ERBB4: variants seen among roughly 807,000 people sequenced by gnomAD.
ERBB4 encodes receptor tyrosine-protein kinase erbB-4.
In ERBB4, 42 loss-of-function variants were observed where a neutral mutation model predicts 158.0. The observed-to-expected ratio is 0.27, with a 90% CI of 0.21 to 0.34. The LOEUF is 0.34. Ranked by LOEUF, ERBB4 falls within the 10% of genes least tolerant of loss-of-function variation. The pLI, the probability that ERBB4 is intolerant of heterozygous loss-of-function variation, is 1.00. For synonymous variants in ERBB4, 583 were observed against 558.7 expected (o/e 1.04, Z -0.61); for missense variants, 1,333 against 1,624.1 (o/e 0.82, Z 3.08).
At chr2:211,689,658 A>G (rs1171853308) in intron 12 of ERBB4, among the ~76,000 whole-genome samples, 1 of 152,236 alleles carries the variant, frequency 6.6e-6, no homozygotes, top group African/African-American at 2.4e-5. Context: ...AGACAAAGTT[A>G]TAAAAGTAGC....
intron 20 of ERBB4, among the ~76,000 whole-genome samples, chr2:211,492,261 G>A (rs936267181): frequency 1.3e-5 from 2 of 152,060 alleles, no homozygotes; most frequent in Admixed American, 1.3e-4. Context: ...AATTAATTCA[G>A]TTATTCTGAT....
At chr2:211,658,247 G>A (rs957094375) in intron 15 of ERBB4, among the ~76,000 whole-genome samples, 1 of 152,176 alleles carries the variant, frequency 6.6e-6, no homozygotes, top group African/African-American at 2.4e-5. Flanking sequence ...ACTTCCAAAC[G>A]CACAGCTCAC....
In ERBB4 at chr2:212,094,338, C is replaced by A. The variant is rs1575622050; in HGVS notation, c.234+30414G>T. On this transcript the variant is annotated intron_variant, in intron 2 of 27. Transcript: ENST00000342788. ...ACAAAAAGAATACAAAGGTACAAAGCTCCTTTAAATATGAATAGTTTTCCA... is the reference window on the plus strand; with the variant it reads ...ACAAAAAGAATACAAAGGTACAAAGATCCTTTAAATATGAATAGTTTTCCA... 1.3e-5 allele frequency among the ~76,000 whole-genome samples: 2 copies of A among 149,170 alleles called. 1 individual carries two copies. Among genetic ancestry groups the A allele is most frequent in the East Asian group, 3.9e-4 (2 of 5,122 alleles).
chr2:212,484,768 C>G (rs2106174584), intron 1 of ERBB4, among the ~76,000 whole-genome samples: 1 of 152,194 alleles, frequency 6.6e-6, no homozygotes, highest in East Asian at 1.9e-4. Flanking sequence ...CCACACGCCT[C>G]AAGTATTCTG....
At chr2:211,384,718 C>A (rs762684138) in intron 27 of ERBB4, among the ~76,000 whole-genome samples, 4 of 152,122 alleles carry the variant, frequency 2.6e-5, no homozygotes, top group Admixed American at 6.6e-5. Flanking sequence ...TATACTTCTA[C>A]TTAATAGTAA....
At chr2:211,876,404 T>C (rs2078502012) in intron 3 of ERBB4, among the ~76,000 whole-genome samples, 1 of 152,160 alleles carries the variant, frequency 6.6e-6, no homozygotes, top group South Asian at 2.1e-4. Flanking sequence ...TTCACCATTA[T>C]GCGATGTGTA....
rs951680179 is a variant in ERBB4, at chr2:212,437,167, T to C, written c.82+101282A>G. ...TGCATTGTGCCCATCCTTGGTGGTC[T>C]TTTTTCTGCATTCCCCCCATTAAGT... On this transcript the variant is annotated intron_variant, in intron 1 of 27. Transcript: ENST00000342788. Among the ~76,000 whole-genome samples the C allele has an allele frequency of 7.9e-5, 12 of 152,092 alleles. No homozygotes were observed. In the East Asian group the frequency reaches 1.9e-3, roughly 24 times the overall value.
At chr2:212,339,572 T>A (rs2088605976) in intron 1 of ERBB4, among the ~76,000 whole-genome samples, 1 of 152,188 alleles carries the variant, frequency 6.6e-6, no homozygotes, top group Non-Finnish European at 1.5e-5. Flanking sequence ...CCACTTCATT[T>A]GCAAAATAAT....
At chr2:212,526,540 T>C (rs146800528) in intron 1 of ERBB4, among the ~76,000 whole-genome samples, 2 of 152,144 alleles carry the variant, frequency 1.3e-5, no homozygotes, top group African/African-American at 4.8e-5. Flanking sequence ...CCAGGGACAA[T>C]GGGCTGCTAA....
intron 1 of ERBB4, among the ~76,000 whole-genome samples, chr2:212,431,334 T>C (rs11677213): frequency 0.16 from 19,841 of 126,722 alleles, 1,851 homozygotes; most frequent in Non-Finnish European, 0.24. Flanking sequence ...AAAAAAACCT[T>C]CGTAACTATT....
chr2:211,840,671 C>T lies in ERBB4; in HGVS notation c.422-52512G>A, dbSNP rs563448445. On this transcript the variant is annotated intron_variant, in intron 3 of 27. Coordinates refer to ENST00000342788, the MANE Select transcript of ERBB4 (RefSeq NM_005235.3). ...CCTAATAGTGCAAGTTCTTCATGGA[C>T]ATTATGCAGTAGACACTGTGATGAT... Among the ~76,000 whole-genome samples, 182 of 152,172 alleles carry T rather than the reference C, an allele frequency of 1.2e-3. 2 individuals carry two copies. Among genetic ancestry groups the T allele is most frequent in the African/African-American group, 4.1e-3 (170 of 41,524 alleles).
chr2:211,897,343 G>A (rs1488142690), intron 3 of ERBB4, among the ~76,000 whole-genome samples: 2 of 151,550 alleles, frequency 1.3e-5, no homozygotes, highest in Non-Finnish European at 2.9e-5. Context: ...TTAGCTGGGT[G>A]GAAATACCAA....
At chr2:211,929,063 A>C (rs980449402) in intron 3 of ERBB4, among the ~76,000 whole-genome samples, 1 of 152,166 alleles carries the variant, frequency 6.6e-6, no homozygotes, top group Non-Finnish European at 1.5e-5. Context: ...ATATACCTTC[A>C]TGGGTACATG....
intron 1 of ERBB4, among the ~76,000 whole-genome samples, chr2:212,300,945 C>G (rs1427969907): frequency 6.6e-6 from 1 of 151,486 alleles, no homozygotes; most frequent in Non-Finnish European, 1.5e-5. Flanking sequence ...TTATAGGTAA[C>G]AGTTTTGATT....
intron 8 of ERBB4, among the ~76,000 whole-genome samples, chr2:211,713,310 T>C (rs2073773774): frequency 6.6e-6 from 1 of 152,166 alleles, no homozygotes; most frequent in Non-Finnish European, 1.5e-5. Flanking sequence ...CAATGTTACA[T>C]GTGCGTTTTT....
At chr2:211,761,785 T>C (rs1015831401) in intron 4 of ERBB4, among the ~76,000 whole-genome samples, 2 of 152,214 alleles carry the variant, frequency 1.3e-5, no homozygotes, top group African/African-American at 4.8e-5. Context: ...GTAACCAATT[T>C]ACAGTATTGT....
chr2:211,900,969 A>G (rs2079219242), intron 3 of ERBB4, among the ~76,000 whole-genome samples: 1 of 152,200 alleles, frequency 6.6e-6, no homozygotes, highest in Admixed American at 6.5e-5. Flanking sequence ...TCCACTATGA[A>G]TGGAGTGAGG....
chr2:211,403,383 T>C (rs761490727), intron 25 of ERBB4, among the ~76,000 whole-genome samples: 1 of 152,118 alleles, frequency 6.6e-6, no homozygotes, highest in Non-Finnish European at 1.5e-5. Context: ...TGAAGACTCA[T>C]GCTAAACAAT....
At chr2:211,789,241 A>G (rs569664791) in intron 3 of ERBB4, among the ~76,000 whole-genome samples, 1 of 152,286 alleles carries the variant, frequency 6.6e-6, no homozygotes, top group Non-Finnish European at 1.5e-5. Flanking sequence ...GTTCAACTAC[A>G]ATTAATCAAA....
Sources: gnomAD v4.1 joint callset for allele counts (sites outside exome capture counted in the v4.1 genomes callset) on GRCh38, gnomAD v4.1.1 for gene constraint, MANE v1.5 for transcripts, NCBI Gene and HGNC (gene_info 2026-07-23, HGNC 2026-07-21) for gene names.